The following AOX1 variants were observed in gnomAD, a reference collection of about 807,000 sequenced individuals.
AOX1 encodes aldehyde oxidase 1, also known as aldehyde oxidase.
AOX1 carries 153 observed loss-of-function variants against 169.5 expected under a neutral mutation model. The observed-to-expected ratio is 0.90, with a 90% CI of 0.79 to 1.03. AOX1 has a LOEUF of 1.03. AOX1 is among the 50% of genes least tolerant of loss of function. The probability of loss-of-function intolerance (pLI) is 0.00; values close to 1 mark genes in which losing one functional copy is unlikely to be tolerated. For missense variants in AOX1, 1,656 were observed against 1,663.9 expected (o/e 1.00, Z 0.08); for synonymous variants, 562 against 581.9 (o/e 0.97, Z 0.49).
intron 9 of AOX1, among the ~76,000 whole-genome samples, chr2:200,605,094 C>A (rs1038079087): frequency 6.6e-5 from 10 of 152,178 alleles, no homozygotes; most frequent in African/African-American, 2.4e-4. Flanking sequence ...CATAGCAAAC[C>A]AGCAGCAGGA....
rs767481638 is a variant in AOX1, at chr2:200,602,301, A to G, written c.454A>G (p.Thr152Ala). The G allele has an allele frequency of 3.1e-6, 5 of 1,613,954 alleles. No homozygotes were observed. The highest frequency in any genetic ancestry group is 4.2e-6 in the Non-Finnish European group (5 of 1,179,956). ...TCCTTCAGGTAACCTGTGCCGTTGCACTGGATACAGGCCCATAATTGATGC... is the reference window on the plus strand; with the variant it reads ...TCCTTCAGGTAACCTGTGCCGTTGCGCTGGATACAGGCCCATAATTGATGC... ...DALGGNLCRC[T>A]GYRPIIDACK... The change falls in exon 6 of 35, where the codon ACT becomes GCT. Residue 152 changes from threonine (T) to alanine (A), a missense_variant. By Grantham distance (58) the Thr-to-Ala change is moderately conservative. Coordinates refer to ENST00000374700, the MANE Select transcript of AOX1 (RefSeq NM_001159.4).
chr2:200,621,139 G>A lies in AOX1; in HGVS notation c.1894G>A (p.Ala632Thr). 6.2e-7 allele frequency: 1 copy of A among 1,614,000 alleles called. No homozygotes were observed. The highest frequency in any genetic ancestry group is 8.5e-7 in the Non-Finnish European group (1 of 1,179,968). Residue 632 changes from alanine to threonine, a missense_variant, in exon 18 of 35, where the codon GCT becomes ACT. Ala to Thr is a moderately conservative substitution (Grantham distance 58, BLOSUM62 0). Coordinates refer to ENST00000374700, the MANE Select transcript of AOX1 (RefSeq NM_001159.4). ...AKIVSIDLSE[A>T]LSMPGVVDIM... is the part of the protein sequence containing the mutation. ...ATCTAGGTCTATTGATCTGTCAGAA[G>A]CTCTCAGCATGCCCGGTGTGGTGGA...
intron 20 of AOX1, among the ~76,000 whole-genome samples, chr2:200,630,210 T>TA (rs57410809): frequency 0.031 from 2,916 of 95,262 alleles, 220 homozygotes; most frequent in African/African-American, 0.11. Flanking sequence ...TCCTTCTATT[T>TA]AAAAAAAAAA....
intron 16 of AOX1, 54 bp from the exon 17 acceptor site, chr2:200,620,596 T>C: frequency 1.4e-6 from 2 of 1,385,802 alleles, no homozygotes; most frequent in South Asian, 3.3e-5. Flanking sequence ...ATAATAATAA[T>C]TCCTACTTTC....
chr2:200,613,058 G>A (rs1279408135), intron 14 of AOX1, among the ~76,000 whole-genome samples: 1 of 147,458 alleles, frequency 6.8e-6, no homozygotes, highest in Non-Finnish European at 1.5e-5. Flanking sequence ...GACAGACAGA[G>A]AAGCCCTCCC....
At chr2:200,640,187 C>T (rs529641835) in intron 23 of AOX1, among the ~76,000 whole-genome samples, 2 of 152,116 alleles carry the variant, frequency 1.3e-5, no homozygotes, top group South Asian at 4.2e-4. Context: ...CAGAGCACTT[C>T]CTGGAAGGTA....
intron 14 of AOX1, among the ~76,000 whole-genome samples, chr2:200,613,494 T>G (rs2034687853): frequency 1.3e-5 from 2 of 152,156 alleles, no homozygotes; most frequent in Admixed American, 1.3e-4. Flanking sequence ...AATGTCCTAG[T>G]GAGGACATTT....
At chr2:200,668,108 TTA>T (rs1285439815) in intron 32 of AOX1, among the ~76,000 whole-genome samples, 3 of 146,250 alleles carry the variant, frequency 2.1e-5, no homozygotes, top group African/African-American at 5.3e-5. Flanking sequence ...ATTATTATTA[TTA>T]TTTTTTTTTT....
chr2:200,627,750 G>A (rs1261828933), intron 20 of AOX1, among the ~76,000 whole-genome samples: 2 of 152,038 alleles, frequency 1.3e-5, no homozygotes, highest in Non-Finnish European at 2.9e-5. Context: ...CCTGCAAGAG[G>A]GTATTATTAT....
At chr2:200,656,036 A>T (rs2035675243) in intron 26 of AOX1, among the ~76,000 whole-genome samples, 1 of 152,238 alleles carries the variant, frequency 6.6e-6, no homozygotes, top group Non-Finnish European at 1.5e-5. Context: ...TGCCTAAAAA[A>T]TTAGATGTGA....
rs772711058 is a variant in AOX1 at position 200,656,849 on chromosome 2, C to T, written c.3083C>T (p.Ala1028Val). The change falls in exon 27 of 35, where the codon GCC becomes GTC. Residue 1028 changes from alanine to valine, a missense_variant. Physicochemically the swap from Ala to Val is moderately conservative, Grantham distance 64 (BLOSUM62 0). Coordinates refer to ENST00000374700, the MANE Select transcript of AOX1 (RefSeq NM_001159.4). ...LGSRAAGQAA[A>V]LVHIYLDGSV... ...TTCGTCTTTTCTGCTCAGGCTGCTG[C>T]CTTGGTTCACATTTATCTTGATGGC... The T allele has an allele frequency of 3.9e-5, 62 of 1,576,536 alleles. No homozygotes were observed. The highest frequency in any genetic ancestry group is 2.0e-4 in the Admixed American group (11 of 56,148).
downstream of AOX1, among the ~76,000 whole-genome samples, chr2:200,679,605 G>A (rs2036136382): frequency 6.6e-6 from 1 of 151,892 alleles, no homozygotes; most frequent in Non-Finnish European, 1.5e-5. Context: ...ACTATTTGAG[G>A]CTTATTACAC....
At chr2:200,674,872 A>G (rs1163311318), downstream of AOX1, among the ~76,000 whole-genome samples, 3 of 152,218 alleles carry the variant, frequency 2.0e-5, no homozygotes, top group African/African-American at 7.2e-5. Context: ...TTTTCTGGGT[A>G]GAGGTTTGCC....
rs773921054 is a variant in AOX1 at position 200,604,764 on chromosome 2, C to T, written c.738C>T (p.Pro246=). The part of the protein sequence containing the change: ...FGSERMMWFS[P]VTLKELLEFK... ...GTGAGAGAATGATGTGGTTTTCCCCCGTGACCCTGAAGGAACTGCTGGAAT... is the reference window on the plus strand; with the variant it reads ...GTGAGAGAATGATGTGGTTTTCCCCTGTGACCCTGAAGGAACTGCTGGAAT... Residue 246 remains proline, a synonymous_variant, in exon 9 of 35, where the codon CCC becomes CCT. Transcript: ENST00000374700. The T allele has an allele frequency of 1.2e-5, 20 of 1,613,870 alleles. No homozygotes were observed. The highest frequency in any genetic ancestry group is 8.3e-5 in the Admixed American group (5 of 59,972).
intron 21 of AOX1, among the ~76,000 whole-genome samples, chr2:200,635,367 C>T (rs999985300): frequency 6.6e-6 from 1 of 152,174 alleles, no homozygotes; most frequent in Non-Finnish European, 1.5e-5. Flanking sequence ...GACCTGCTCT[C>T]CAAAGCCTAT....
intron 4 of AOX1, among the ~76,000 whole-genome samples, chr2:200,676,537 T>C (rs1206385759): frequency 3.4e-5 from 5 of 147,502 alleles, no homozygotes; most frequent in African/African-American, 1.3e-4. Context: ...GAGGCAGAGA[T>C]TGCAGTGAGC....
At chr2:200,597,743 C>T (rs1267967262) in intron 4 of AOX1, among the ~76,000 whole-genome samples, 1 of 152,158 alleles carries the variant, frequency 6.6e-6, no homozygotes, top group Non-Finnish European at 1.5e-5. Flanking sequence ...CTAAGAATGC[C>T]CTGACATTTG....
rs1225957961 is a variant in AOX1, at chr2:200,604,021, G to C, written c.593G>C (p.Ser198Thr). The C allele has an allele frequency of 4.4e-6, 7 of 1,609,130 alleles. No individual in the cohort carries two copies. The highest frequency in any genetic ancestry group is 6.0e-6 in the Non-Finnish European group (7 of 1,175,692). The change falls in exon 8 of 35, where the codon AGT becomes ACT. Residue 198 changes from serine to threonine, a missense_variant. By Grantham distance (58) the Ser-to-Thr change is moderately conservative (BLOSUM62 1). Coordinates refer to ENST00000374700, the MANE Select transcript of AOX1 (RefSeq NM_001159.4). ...TCTGATATGTTCTCTTTTTAGACAA[G>C]TCCAAAACTCTTCGCAGAAGAGGAG... The part of the protein sequence containing the change: ...LPEFEEGSKT[S>T]PKLFAEEEFL...
chr2:200,661,607 A>C lies in AOX1; in HGVS notation c.3404A>C (p.Asn1135Thr). The change falls in exon 30 of 35, where the codon AAC (asparagine) becomes ACC (threonine). Residue 1135 changes from asparagine (N) to threonine (T), a missense_variant. Transcript: ENST00000374700. Reference protein sequence around the residue: ...WAQTAFDESINLSAVGYFRGY... With the variant: ...WAQTAFDESITLSAVGYFRGY... ...CAGACTGCTTTTGATGAAAGCATTA[A>C]CCTTTCAGCTGTTGGATACTTCAGG... is the stretch of plus-strand genomic sequence containing the variant. 1 of 1,611,850 alleles carries C rather than the reference A, an allele frequency of 6.2e-7. No individual in the cohort carries two copies. The highest frequency in any genetic ancestry group is 8.5e-7 in the Non-Finnish European group (1 of 1,178,208).
Sources: gnomAD v4.1 joint callset for allele counts (sites outside exome capture counted in the v4.1 genomes callset) on GRCh38, gnomAD v4.1.1 for gene constraint, MANE v1.5 for transcripts, NCBI Gene and HGNC (gene_info 2026-07-23, HGNC 2026-07-21) for gene names.